Variants in DDR2 observed in about 807,000 individuals in gnomAD.
The protein encoded by DDR2 is discoidin domain-containing receptor 2.
Under a neutral mutation model 94.9 loss-of-function variants are expected in DDR2, and 27 were observed. The observed-to-expected ratio is 0.28, with a 90% CI of 0.21 to 0.39. The LOEUF is 0.39. Ranked by LOEUF, DDR2 falls within the 10% of genes least tolerant of loss-of-function variation. The probability of loss-of-function intolerance (pLI) is 1.00; values close to 1 mark genes in which losing one functional copy is unlikely to be tolerated. For missense variants in DDR2, 783 were observed against 1,076.0 expected (o/e 0.73, Z 3.81); for synonymous variants, 382 against 377.2 (o/e 1.01, Z -0.15).
At chr1:162,636,575 G>A (rs1344896827) in intron 1 of DDR2, among the ~76,000 whole-genome samples, 1 of 152,316 alleles carries the variant, frequency 6.6e-6, no homozygotes, top group Admixed American at 6.5e-5. Flanking sequence ...GATGCGTGAT[G>A]TAGTGAAAAG....
chr1:162,652,808 A>G lies in DDR2; in HGVS notation c.-191-2403A>G, dbSNP rs560590686. ...GAAGTGAACTCAGATGGTCTACAAA[A>G]CTTTTAGCATTTGTGGCCAGGCATG... On this transcript the variant is annotated intron_variant, in intron 1 of 17. Coordinates refer to ENST00000367921, the MANE Select transcript of DDR2 (RefSeq NM_006182.4). Among the ~76,000 whole-genome samples, 10 of 152,334 alleles carry G rather than the reference A, an allele frequency of 6.6e-5. No homozygotes were observed. In the South Asian group the frequency reaches 1.9e-3, roughly 28 times the overall value.
chr1:162,708,871 G>C (rs1397438299), intron 2 of DDR2, among the ~76,000 whole-genome samples: 1 of 152,198 alleles, frequency 6.6e-6, no homozygotes, highest in Non-Finnish European at 1.5e-5. Context: ...ACAGAAATAA[G>C]AGTATGGCTA....
chr1:162,781,927 C>T lies in DDR2; in HGVS notation c.*1681C>T, dbSNP rs2102214971. The stretch of plus-strand genomic sequence containing the variant: ...ACCAGTTTACCTTCTACAACAGTTT[C>T]TCAGGAACATGTGTATTTCCCCATT... On this transcript the variant is annotated 3_prime_UTR_variant, in exon 18 of 18. Coordinates refer to ENST00000367921, the MANE Select transcript of DDR2 (RefSeq NM_006182.4). 6.6e-6 allele frequency: 1 copy of T among 152,376 alleles called. No homozygotes were observed. The highest frequency in any genetic ancestry group is 2.4e-5 in the African/African-American group (1 of 41,578). 9.4% of individuals were successfully genotyped at this position (152,376 alleles called of 1,614,324 possible). A position where few individuals can be genotyped will look rare whatever the true frequency, so the allele number is the denominator to read the frequency against.
chr1:162,718,277 C>G (rs1661260437), intron 2 of DDR2, among the ~76,000 whole-genome samples: 1 of 152,042 alleles, frequency 6.6e-6, no homozygotes, highest in Non-Finnish European at 1.5e-5. Flanking sequence ...CCAGAATCAG[C>G]CATTTTTCTG....
At chr1:162,734,483 A>G (rs967930806) in intron 3 of DDR2, among the ~76,000 whole-genome samples, 8 of 152,364 alleles carry the variant, frequency 5.3e-5, no homozygotes, top group Non-Finnish European at 5.9e-5. Flanking sequence ...CCAAAATTAA[A>G]CAATTATTTA....
At chr1:162,701,799 T>C (rs3923572) in intron 2 of DDR2, among the ~76,000 whole-genome samples, 125,336 of 152,206 alleles carry the variant, frequency 0.82, 53,276 homozygotes, top group Non-Finnish European at 0.93. Flanking sequence ...TGCCTCTCTG[T>C]AACTTCCTTA....
At chr1:162,656,686 A>G (rs548885874) in intron 2 of DDR2, among the ~76,000 whole-genome samples, 10 of 151,928 alleles carry the variant, frequency 6.6e-5, no homozygotes, top group Admixed American at 1.3e-4. Context: ...TAGAATGAAT[A>G]ATTCATTGCT....
At chr1:162,695,040 A>T (rs1439249087) in intron 2 of DDR2, among the ~76,000 whole-genome samples, 1 of 152,242 alleles carries the variant, frequency 6.6e-6, no homozygotes, top group East Asian at 1.9e-4. Context: ...CAATATCATT[A>T]CTGTGACTTA....
At chr1:162,756,445 T>C (rs2102140528) in intron 7 of DDR2, among the ~76,000 whole-genome samples, 1 of 152,272 alleles carries the variant, frequency 6.6e-6, no homozygotes, top group East Asian at 1.9e-4. Context: ...GAACTTAGGG[T>C]TGGGTACAGG....
At chr1:162,764,969 G>C (rs1663923452) in intron 9 of DDR2, among the ~76,000 whole-genome samples, 1 of 152,142 alleles carries the variant, frequency 6.6e-6, no homozygotes, top group African/African-American at 2.4e-5. Flanking sequence ...TAGGAAAACA[G>C]GTTTGGTGTT....
rs543862252 is a variant in DDR2, at chr1:162,640,542, T to A, written c.-192+7911T>A. Among the ~76,000 whole-genome samples, 232 of 152,306 alleles carry A rather than the reference T, an allele frequency of 1.5e-3. 4 individuals carry two copies. The highest frequency in any genetic ancestry group is 5.2e-3 in the African/African-American group (217 of 41,568). ...CTTTAAAAAGAATTAAAGTTTAATT[T>A]AAAAAATCTGCCCAATCTCCAAATT... On this transcript the variant is annotated intron_variant, in intron 1 of 17. Coordinates refer to ENST00000367921, the MANE Select transcript of DDR2 (RefSeq NM_006182.4).
At chr1:162,642,397 C>T (rs576812031) in intron 1 of DDR2, among the ~76,000 whole-genome samples, 7 of 151,918 alleles carry the variant, frequency 4.6e-5, no homozygotes, top group East Asian at 1.9e-4. Flanking sequence ...CTCAGCCTCC[C>T]GAGTAGCTGG....
At chr1:162,708,203 G>A (rs1660742164) in intron 2 of DDR2, among the ~76,000 whole-genome samples, 1 of 152,210 alleles carries the variant, frequency 6.6e-6, no homozygotes, top group Non-Finnish European at 1.5e-5. Flanking sequence ...TGGTGTCTGG[G>A]AAGTTGAGCC....
intron 2 of DDR2, among the ~76,000 whole-genome samples, chr1:162,686,940 G>A (rs1227843877): frequency 6.6e-6 from 1 of 152,212 alleles, no homozygotes; most frequent in African/African-American, 2.4e-5. Context: ...AGCCTTCTGG[G>A]TTGCTAAGTG....
intron 3 of DDR2, among the ~76,000 whole-genome samples, chr1:162,739,758 A>G (rs1242277432): frequency 6.6e-6 from 1 of 152,244 alleles, no homozygotes; most frequent in Admixed American, 6.5e-5. Context: ...ATCAGTTAGG[A>G]AATTATTGCA....
intron 9 of DDR2, among the ~76,000 whole-genome samples, chr1:162,764,937 A>G (rs1312267263): frequency 1.3e-5 from 2 of 152,308 alleles, no homozygotes; most frequent in African/African-American, 4.8e-5. Context: ...AGATGTACTG[A>G]TAAGAAAATA....
chr1:162,634,671 C>G (rs866114808), intron 1 of DDR2, among the ~76,000 whole-genome samples: 7 of 152,342 alleles, frequency 4.6e-5, no homozygotes, highest in South Asian at 2.1e-4. Context: ...GTCTTAAATT[C>G]TGTCTCTTAA....
At chr1:162,689,703 A>G (rs913466089) in intron 2 of DDR2, among the ~76,000 whole-genome samples, 1 of 151,848 alleles carries the variant, frequency 6.6e-6, no homozygotes, top group East Asian at 1.9e-4. Flanking sequence ...CTTACCAAGA[A>G]CACAGAAGAC....
Position 162,753,481 on chromosome 1 carries a change from C to G in DDR2, c.185+284C>G, listed in dbSNP as rs184439315. Among the ~76,000 whole-genome samples the G allele has an allele frequency of 4.6e-5, 7 of 152,316 alleles. No homozygotes were observed. The East Asian group carries it at 5.8e-4, about 13-fold the overall frequency. ...CATTGATAGGAAGTGGATTTGCTTT[C>G]CCTGACTTTCTCATTGTGAGCTGCT... is the stretch of plus-strand genomic sequence containing the variant. On this transcript the variant is annotated intron_variant, in intron 4 of 17. Transcript: ENST00000367921.
Sources: allele counts gnomAD v4.1 joint callset (sites outside exome capture counted in the v4.1 genomes callset), GRCh38; gene constraint gnomAD v4.1.1; transcripts MANE v1.5; gene names NCBI Gene and HGNC (gene_info 2026-07-23, HGNC 2026-07-21).